Variants in SLC30A5 observed in about 807,000 individuals in gnomAD.
SLC30A5 encodes the protein proton-coupled zinc antiporter SLC30A5.
SLC30A5 carries 33 observed loss-of-function variants against 79.6 expected under a neutral mutation model. The observed-to-expected ratio is 0.41, with a 90% confidence interval of 0.31 to 0.55. The LOEUF (loss-of-function observed/expected upper bound fraction) is 0.55. Ranked by LOEUF, SLC30A5 falls within the 20% of genes least tolerant of loss-of-function variation. SLC30A5 has a pLI of 0.20. For synonymous variants in SLC30A5, 299 were observed against 319.7 expected (o/e 0.94, Z 0.69); for missense variants, 788 against 928.1 (o/e 0.85, Z 1.96).
chr5:69,117,437 A>G, intron 11 of SLC30A5, 41 bp downstream of exon 11: 4 of 1,538,180 alleles, frequency 2.6e-6, no homozygotes, highest in Non-Finnish European at 3.6e-6. Context: ...CTTAAGTGCA[A>G]ATTCCATCTT....
chr5:69,101,943 C>T (rs1745933595), intron 2 of SLC30A5, among the ~76,000 whole-genome samples: 1 of 146,682 alleles, frequency 6.8e-6, no homozygotes, highest in African/African-American at 2.5e-5. Context: ...GGCAACAGAG[C>T]GAGACTCCAT....
intron 7 of SLC30A5, 69 bp from the exon 8 acceptor site, chr5:69,115,164 AAGAT>A: frequency 4.9e-6 from 4 of 818,302 alleles, no homozygotes; most frequent in Non-Finnish European, 7.3e-6. Flanking sequence ...AAAAAAAAAA[AAGAT>A]CATGTATTTA....
intron 15 of SLC30A5, among the ~76,000 whole-genome samples, chr5:69,128,865 G>A (rs1746774845): frequency 6.6e-6 from 1 of 152,150 alleles, no homozygotes; most frequent in South Asian, 2.1e-4. Context: ...AACAATGGCT[G>A]TTTTCCTTTT....
At chr5:69,127,340 CTG>C (rs1487249864) in intron 14 of SLC30A5, among the ~76,000 whole-genome samples, 8 of 152,056 alleles carry the variant, frequency 5.3e-5, no homozygotes, top group Non-Finnish European at 1.2e-4. Context: ...ATAAAGATAA[CTG>C]TAACAGCTGG....
Position 69,123,375 on chromosome 5 carries a change from C to G in SLC30A5, c.1948C>G (p.Leu650Val). The change falls in exon 14 of 16, where the codon CTG becomes GTG. Residue 650 changes from leucine to valine, a missense_variant. Physicochemically the swap from Leu to Val is conservative, Grantham distance 32 (BLOSUM62 1). Around this residue, in one of 3 missense-constraint regions of SLC30A5, gnomAD observed 158 missense variants for 156.2 expected, o/e 1.01. Transcript: ENST00000396591. ...TAAAGATGCCTGCCAGGTTCTACTC[C>G]TGAGATTGCCACCAGAATATGAAAA... is the stretch of plus-strand genomic sequence containing the variant. ...LIKDACQVLLLRLPPEYEKEL... is the reference protein window; with the variant it reads ...LIKDACQVLLVRLPPEYEKEL... 6.2e-7 allele frequency: 1 copy of G among 1,614,010 alleles called. No homozygotes were observed. The highest frequency in any genetic ancestry group is 8.5e-7 in the Non-Finnish European group (1 of 1,179,976).
intron 1 of SLC30A5, among the ~76,000 whole-genome samples, chr5:69,099,236 C>T (rs1745835255): frequency 6.6e-6 from 1 of 152,206 alleles, no homozygotes; most frequent in Admixed American, 6.5e-5. Flanking sequence ...CTAAAAGTCA[C>T]AAGAGTAGTA....
At chr5:69,099,066 T>C (rs193130775) in intron 1 of SLC30A5, among the ~76,000 whole-genome samples, 1 of 152,222 alleles carries the variant, frequency 6.6e-6, no homozygotes, top group South Asian at 2.1e-4. Context: ...TTGCATTTGA[T>C]TGATTCTGCA....
chr5:69,094,710 TA>T (rs892618618), intron 1 of SLC30A5, among the ~76,000 whole-genome samples: 5 of 152,130 alleles, frequency 3.3e-5, no homozygotes, highest in African/African-American at 1.2e-4. Context: ...CTGCATAAAT[TA>T]GGGGAAGGTG....
chr5:69,094,195 A>G lies in SLC30A5; in HGVS notation c.-61A>G. ...GCGCCTGCACCCGCTGTTCCGCGGC[A>G]GCGGCGAGACATGAGGAGACCCCGC... On this transcript the variant is annotated 5_prime_UTR_variant, in exon 1 of 16. Transcript: ENST00000396591. 1 of 875,476 alleles carries G rather than the reference A, an allele frequency of 1.1e-6. No individual in the cohort carries two copies. The highest frequency in any genetic ancestry group is 5.6e-5 in the South Asian group (1 of 17,970). The allele number at this position is 875,476 out of a possible 1,614,324, so 54.2% of individuals were successfully genotyped here. A position where few individuals can be genotyped will look rare whatever the true frequency, so the allele number is the denominator to read the frequency against.
At chr5:69,119,945 C>T (rs1003802071) in intron 12 of SLC30A5, among the ~76,000 whole-genome samples, 2 of 143,780 alleles carry the variant, frequency 1.4e-5, no homozygotes, top group South Asian at 2.2e-4. Context: ...ACTTCAACCA[C>T]GAGGCAGAGG....
chr5:69,121,471 A>G (rs987602875), intron 12 of SLC30A5, among the ~76,000 whole-genome samples: 1 of 152,060 alleles, frequency 6.6e-6, no homozygotes, highest in Non-Finnish European at 1.5e-5. Flanking sequence ...AAATTCCTCT[A>G]CTTACCAATT....
At chr5:69,094,484 C>A in intron 1 of SLC30A5, 146 bp downstream of exon 1, 1 of 882,206 alleles carries the variant, frequency 1.1e-6, no homozygotes, top group Non-Finnish European at 1.5e-6. Flanking sequence ...GCGCAGGCTG[C>A]CTCCGGGCTC....
At position 69,100,297 on chromosome 5, in the gene SLC30A5, C is replaced by T. The variant is rs142749152; in HGVS notation, c.84-510C>T. Among the ~76,000 whole-genome samples the T allele has an allele frequency of 3.9e-4, 60 of 152,250 alleles. 1 individual carries two copies. In the East Asian group the frequency reaches 9.5e-3, roughly 24 times the overall value. ...TTGAGACAGGGTCTCACTCTGTCGC[C>T]CAGGCTGGAGTGCAGTGACACGAAC... On this transcript the variant is annotated intron_variant, in intron 1 of 15. Coordinates refer to ENST00000396591, the MANE Select transcript of SLC30A5 (RefSeq NM_022902.5).
Position 69,117,231 on chromosome 5 carries a change from A to T in SLC30A5, c.1282-8A>T. ...TACTCCTCCCTTTTTTTTTGGTGAC[A>T]TTTTTAGCTTTTTACCTTTGTGGAA... On this transcript the variant is annotated splice_polypyrimidine_tract_variant and splice_region_variant and intron_variant, in intron 10 of 15. Transcript: ENST00000396591. 2.5e-6 allele frequency: 4 copies of T among 1,604,132 alleles called. No individual in the cohort carries two copies. In the Admixed American group the frequency reaches 5.1e-5, roughly 21 times the overall value.
chr5:69,101,017 C>A, intron 2 of SLC30A5, 88 bp downstream of exon 2: 1 of 1,299,384 alleles, frequency 7.7e-7, no homozygotes, highest in Non-Finnish European at 1.0e-6. Flanking sequence ...ACTTTACATA[C>A]AATATTTTGT....
At chr5:69,125,746 G>A (rs1397399242) in intron 14 of SLC30A5, among the ~76,000 whole-genome samples, 1 of 150,192 alleles carries the variant, frequency 6.7e-6, no homozygotes, top group Non-Finnish European at 1.5e-5. Flanking sequence ...GGCTGAGGCA[G>A]GAGAATGGCA....
At chr5:69,106,389 A>G (rs1357172888) in intron 4 of SLC30A5, among the ~76,000 whole-genome samples, 1 of 152,170 alleles carries the variant, frequency 6.6e-6, no homozygotes, top group Non-Finnish European at 1.5e-5. Flanking sequence ...CTGTGTTACT[A>G]TATCACTGTC....
In SLC30A5 at chr5:69,127,985, C is replaced by T; in HGVS notation, c.1999-19C>T. 1 of 1,599,064 alleles carries T rather than the reference C, an allele frequency of 6.3e-7. No individual in the cohort carries two copies. The highest frequency in any genetic ancestry group is 8.5e-7 in the Non-Finnish European group (1 of 1,170,232). On this transcript the variant is annotated intron_variant, in intron 14 of 15. Transcript: ENST00000396591. ...AAGTAGCCTGTATGACCATTTATAT[C>T]ACCTCTTTTATTTGACAGATACAGA...
intron 5 of SLC30A5, among the ~76,000 whole-genome samples, chr5:69,111,732 C>G (rs544697093): frequency 3.3e-5 from 5 of 152,142 alleles, no homozygotes; most frequent in Non-Finnish European, 7.3e-5. Flanking sequence ...TCAGTGAAAA[C>G]TTAAGAAATT....
Sources: allele counts gnomAD v4.1 joint callset (sites outside exome capture counted in the v4.1 genomes callset), GRCh38; gene constraint gnomAD v4.1.1; regional missense constraint gnomAD v4.1.1; transcripts MANE v1.5; gene names NCBI Gene and HGNC (gene_info 2026-07-23, HGNC 2026-07-21).